The following EXOC6B variants were observed in gnomAD, a reference collection of about 807,000 sequenced individuals.
The protein encoded by EXOC6B is exocyst complex component 6B.
Under a neutral mutation model 113.5 loss-of-function variants are expected in EXOC6B, and 54 were observed. That is an observed-to-expected ratio of 0.48 (90% CI 0.38 to 0.60). The LOEUF is 0.60. EXOC6B is among the 20% of genes least tolerant of loss of function. The probability of loss-of-function intolerance (pLI) is 0.00; values close to 1 mark genes in which losing one functional copy is unlikely to be tolerated. For synonymous variants in EXOC6B, 357 were observed against 339.0 expected (o/e 1.05, Z -0.58); for missense variants, 797 against 977.5 (o/e 0.82, Z 2.46).
chr2:72,618,052 C>A (rs1272471000), intron 6 of EXOC6B, among the ~76,000 whole-genome samples: 7 of 152,072 alleles, frequency 4.6e-5, no homozygotes, highest in African/African-American at 1.7e-4. Context: ...GAGCCCTCCA[C>A]TCCTAGAAAA....
chr2:72,360,783 C>G (rs1572967902), intron 19 of EXOC6B, among the ~76,000 whole-genome samples: 1 of 151,936 alleles, frequency 6.6e-6, no homozygotes, highest in African/African-American at 2.4e-5. Flanking sequence ...CCTTCATAAT[C>G]CCATCATATT....
rs538198865 is a variant in EXOC6B at position 72,731,293 on chromosome 2, A to T, written c.328-48T>A. The T allele has an allele frequency of 9.4e-5, 136 of 1,442,640 alleles. 1 individual carries two copies. In the South Asian group the frequency reaches 1.0e-3, roughly 11 times the overall value. The allele number at this position is 1,442,640 out of a possible 1,614,324, so 89.4% of individuals were successfully genotyped here. ...GAATTATGCCTATGGCTGTAAATAA[A>T]AAGCTTTCAGTCACATTTTTCCACA... On this transcript the variant is annotated intron_variant, in intron 3 of 21. Coordinates refer to ENST00000272427, the MANE Select transcript of EXOC6B (RefSeq NM_015189.3).
intron 18 of EXOC6B, among the ~76,000 whole-genome samples, chr2:72,443,280 G>A (rs542626835): frequency 5.4e-5 from 8 of 147,464 alleles, no homozygotes; most frequent in South Asian, 2.1e-4. Context: ...CCAAGATCGC[G>A]CCACTGCACT....
intron 6 of EXOC6B, among the ~76,000 whole-genome samples, chr2:72,617,517 C>CTTTTTTTTTTTTTTTTTTTTTTTTTTT (rs201912352): frequency 1.0e-5 from 1 of 96,954 alleles, no homozygotes; most frequent in Non-Finnish European, 2.0e-5. Context: ...AATCTTTTTT[C>CTTTTTTTTTTTTTTTTTTTTTTTTTTT]TTTTTTTTTT....
At chr2:72,495,905 T>C (rs1478005491) in intron 14 of EXOC6B, among the ~76,000 whole-genome samples, 1 of 152,196 alleles carries the variant, frequency 6.6e-6, no homozygotes, top group Admixed American at 6.5e-5. Context: ...TATGGCATTC[T>C]GAAAAAGGCA....
chr2:72,558,575 G>A (rs539627704), intron 8 of EXOC6B, among the ~76,000 whole-genome samples: 1 of 152,232 alleles, frequency 6.6e-6, no homozygotes, highest in South Asian at 2.1e-4. Context: ...TTCAAGACCA[G>A]CCTGACCAAC....
At chr2:72,515,008 T>C in intron 9 of EXOC6B, 35 bp downstream of exon 9, 1 of 1,543,410 alleles carries the variant, frequency 6.5e-7, no homozygotes, top group Non-Finnish European at 8.8e-7. Context: ...GGAGGAAAAG[T>C]AAAAATGTGA....
rs1440674818 is a variant in EXOC6B at position 72,347,945 on chromosome 2, G to A, written c.2123-12925C>T. Among the ~76,000 whole-genome samples, 4 of 152,094 alleles carry A rather than the reference G, an allele frequency of 2.6e-5. No individual in the cohort carries two copies. In the East Asian group the frequency reaches 7.7e-4, roughly 29 times the overall value. ...CTATTTTTATATTGGCTATGAAATT[G>A]GAATTGAAGGAAATGCCCATGATAC... On this transcript the variant is annotated intron_variant, in intron 19 of 21. Coordinates refer to ENST00000272427, the MANE Select transcript of EXOC6B (RefSeq NM_015189.3).
At chr2:72,693,837 C>T (rs1233563213) in intron 6 of EXOC6B, among the ~76,000 whole-genome samples, 2 of 151,606 alleles carry the variant, frequency 1.3e-5, no homozygotes, top group Non-Finnish European at 2.9e-5. Flanking sequence ...ACTTTTCTTC[C>T]TTTTTTCTTT....
chr2:72,535,951 AGT>A (rs984212669), intron 8 of EXOC6B, among the ~76,000 whole-genome samples: 1 of 152,152 alleles, frequency 6.6e-6, no homozygotes, highest in Admixed American at 6.5e-5. Flanking sequence ...GGCTAAAAGT[AGT>A]GTTATAGGAA....
chr2:72,422,395 G>A (rs190025063), intron 18 of EXOC6B, among the ~76,000 whole-genome samples: 1 of 151,272 alleles, frequency 6.6e-6, no homozygotes, highest in Admixed American at 6.5e-5. Flanking sequence ...TGCACCAATT[G>A]ACACTCTGTA....
chr2:72,300,491 G>A (rs972710465), intron 20 of EXOC6B, among the ~76,000 whole-genome samples: 1 of 152,202 alleles, frequency 6.6e-6, no homozygotes, highest in Non-Finnish European at 1.5e-5. Flanking sequence ...GCCAGACCAC[G>A]TGGCTGCCTG....
chr2:72,758,621 C>A (rs1682581293), intron 1 of EXOC6B, among the ~76,000 whole-genome samples: 1 of 152,096 alleles, frequency 6.6e-6, no homozygotes, highest in Admixed American at 6.6e-5. Context: ...TTAATAAACT[C>A]TTTAACATTG....
Position 72,480,767 on chromosome 2 carries a change from A to G in EXOC6B, c.1666-17T>C. The G allele has an allele frequency of 6.3e-7, 1 of 1,594,374 alleles. No individual in the cohort carries two copies. The highest frequency in any genetic ancestry group is 2.2e-5 in the East Asian group (1 of 44,572). ...CTGAACAAGCTAGAAAACAACAAAC[A>G]CATGTAAAAGTCATTTAACTACTCA... On this transcript the variant is annotated splice_polypyrimidine_tract_variant and intron_variant, in intron 16 of 21. Coordinates refer to ENST00000272427, the MANE Select transcript of EXOC6B (RefSeq NM_015189.3).
chr2:72,762,242 C>CAAAAAA (rs557776288), intron 1 of EXOC6B, among the ~76,000 whole-genome samples: 2 of 61,236 alleles, frequency 3.3e-5, no homozygotes, highest in African/African-American at 6.4e-5. Context: ...GACTCCGTCT[C>CAAAAAA]AAAAAAAAAA....
At chr2:72,724,394 G>A (rs1222779154) in intron 5 of EXOC6B, among the ~76,000 whole-genome samples, 1 of 152,046 alleles carries the variant, frequency 6.6e-6, no homozygotes, top group Non-Finnish European at 1.5e-5. Flanking sequence ...GAATAAAGGT[G>A]GGCCTTTAAG....
At chr2:72,578,865 T>C (rs1201850363) in intron 6 of EXOC6B, among the ~76,000 whole-genome samples, 1 of 152,156 alleles carries the variant, frequency 6.6e-6, no homozygotes, top group East Asian at 1.9e-4. Context: ...CAAGTAACTT[T>C]GTATAATTAG....
At chr2:72,386,951 A>G (rs1303604405) in intron 18 of EXOC6B, among the ~76,000 whole-genome samples, 4 of 152,170 alleles carry the variant, frequency 2.6e-5, no homozygotes, top group South Asian at 2.1e-4. Context: ...TCATTCATAC[A>G]GTTGCCTTTT....
At chr2:72,397,320 A>T (rs1692789569) in intron 18 of EXOC6B, among the ~76,000 whole-genome samples, 1 of 152,104 alleles carries the variant, frequency 6.6e-6, no homozygotes, top group Non-Finnish European at 1.5e-5. Context: ...AATTCTTCTT[A>T]TGTAAGAAAA....
Sources: gnomAD v4.1 joint callset for allele counts (sites outside exome capture counted in the v4.1 genomes callset) on GRCh38, gnomAD v4.1.1 for gene constraint, MANE v1.5 for transcripts, NCBI Gene and HGNC (gene_info 2026-07-23, HGNC 2026-07-21) for gene names.